The following RNF216 variants were observed in gnomAD, a reference collection of about 807,000 sequenced individuals.
RNF216 encodes the protein ring finger protein 216, also known as E3 ubiquitin-protein ligase RNF216.
RNF216 carries 72 observed loss-of-function variants against 110.8 expected under a neutral mutation model. The ratio of observed to expected loss-of-function variants is 0.65; its 90% confidence interval spans 0.54 to 0.79. RNF216 has a LOEUF of 0.79. RNF216 is among the 30% of genes least tolerant of loss of function. RNF216 has a pLI of 0.00. For missense variants in RNF216, 1,342 were observed against 1,141.2 expected (o/e 1.18, Z -2.54); for synonymous variants, 495 against 407.5 (o/e 1.21, Z -2.59).
intron 13 of RNF216, among the ~76,000 whole-genome samples, chr7:5,705,698 C>G (rs1792233541): frequency 6.6e-6 from 1 of 152,126 alleles, no homozygotes; most frequent in Non-Finnish European, 1.5e-5. Context: ...CACCTGAGGT[C>G]AGGAGTTCGA....
intron 13 of RNF216, among the ~76,000 whole-genome samples, chr7:5,663,299 G>A (rs1425150598): frequency 1.4e-4 from 22 of 152,290 alleles, no homozygotes. Flanking sequence ...AAGTTCACTT[G>A]GCCAGGCATG....
intron 13 of RNF216, among the ~76,000 whole-genome samples, chr7:5,689,447 T>C (rs1791191371): frequency 6.7e-6 from 1 of 150,352 alleles, no homozygotes; most frequent in Non-Finnish European, 1.5e-5. Context: ...GAAACCCACA[T>C]CCCTTCTGTT....
intron 14 of RNF216, among the ~76,000 whole-genome samples, chr7:5,650,977 A>T (rs1371207386): frequency 1.3e-5 from 2 of 152,202 alleles, no homozygotes; most frequent in Non-Finnish European, 2.9e-5. Context: ...ACATAAAGTC[A>T]CCCAACTACA....
At chr7:5,739,415 A>G (rs558925667) in intron 4 of RNF216, 63 bp from the exon 5 acceptor site, 4 of 1,489,442 alleles carry the variant, frequency 2.7e-6, no homozygotes, top group Admixed American at 1.8e-5. Flanking sequence ...ATGGCAATAC[A>G]AGACAGATGG....
At chr7:5,662,763 G>C (rs780464431) in intron 13 of RNF216, among the ~76,000 whole-genome samples, 14 of 152,196 alleles carry the variant, frequency 9.2e-5, no homozygotes. Flanking sequence ...GAGTACCTCA[G>C]AGGAAACTAA....
chr7:5,633,708 A>G (rs1379624416), intron 15 of RNF216, among the ~76,000 whole-genome samples: 1 of 152,220 alleles, frequency 6.6e-6, no homozygotes, highest in Non-Finnish European at 1.5e-5. Flanking sequence ...CCTGACACAG[A>G]AGACTCTGGC....
chr7:5,766,882 G>A (rs1562476439), intron 1 of RNF216: 1 of 152,232 alleles, frequency 6.6e-6, no homozygotes. Context: ...TATGTTTAGA[G>A]ACTGATATTC....
intron 13 of RNF216, among the ~76,000 whole-genome samples, chr7:5,676,974 C>T (rs1427142531): frequency 2.0e-5 from 3 of 152,176 alleles, no homozygotes; most frequent in Non-Finnish European, 4.4e-5. Flanking sequence ...GTTATTGTTC[C>T]TTAAAAGCCA....
chr7:5,754,048 C>T (rs1353879126), intron 2 of RNF216, among the ~76,000 whole-genome samples: 1 of 151,362 alleles, frequency 6.6e-6, no homozygotes, highest in Non-Finnish European at 1.5e-5. Context: ...AAGAAAGAAA[C>T]GAAATGACGC....
At chr7:5,628,723 G>A (rs1252252749) in intron 15 of RNF216, among the ~76,000 whole-genome samples, 1 of 147,050 alleles carries the variant, frequency 6.8e-6, no homozygotes, top group Admixed American at 6.8e-5. Context: ...GTTTCACCAT[G>A]TTGCTCAGGC....
intron 13 of RNF216, among the ~76,000 whole-genome samples, chr7:5,673,336 C>G (rs768628514): frequency 6.6e-6 from 1 of 152,076 alleles, no homozygotes; most frequent in Non-Finnish European, 1.5e-5. Context: ...AGAACAGGCT[C>G]GACAGAATGG....
chr7:5,776,308 G>A (rs1278581732), intron 1 of RNF216, among the ~76,000 whole-genome samples: 1 of 151,998 alleles, frequency 6.6e-6, no homozygotes, highest in African/African-American at 2.4e-5. Context: ...CTATAGCCGG[G>A]CACGGTGGCT....
intron 4 of RNF216, among the ~76,000 whole-genome samples, chr7:5,740,495 G>C (rs189190300): frequency 2.6e-5 from 4 of 152,262 alleles, no homozygotes; most frequent in African/African-American, 9.6e-5. Flanking sequence ...CTCCATGCTT[G>C]ATGATGAGGT....
intron 8 of RNF216, among the ~76,000 whole-genome samples, chr7:5,722,551 C>T (rs1188796911): frequency 6.6e-6 from 1 of 151,590 alleles, no homozygotes; most frequent in African/African-American, 2.4e-5. Flanking sequence ...CCACCATGCC[C>T]GGCTAATTTT....
Position 5,677,094 on chromosome 7 carries a change from T to G in RNF216, c.2062-24584A>C, listed in dbSNP as rs114795496. Among the ~76,000 whole-genome samples the G allele has an allele frequency of 9.0e-3, 1,372 of 152,338 alleles. 22 individuals are homozygous for G. Among genetic ancestry groups the G allele is most frequent in the African/African-American group, 0.031 (1,308 of 41,568 alleles). On this transcript the variant is annotated intron_variant, in intron 13 of 16. Transcript: ENST00000389902. Reference sequence around the variant, plus strand: ...AGACCACATACATCTCCCTTGTTTTTAGGGCACTCTGACGTATGGTTTACA... The same window carrying G: ...AGACCACATACATCTCCCTTGTTTTGAGGGCACTCTGACGTATGGTTTACA...
intron 13 of RNF216, among the ~76,000 whole-genome samples, chr7:5,684,889 G>C (rs1790879686): frequency 6.6e-6 from 1 of 151,860 alleles, no homozygotes; most frequent in Non-Finnish European, 1.5e-5. Context: ...AGGGTGCTTG[G>C]GAGTCCTGCA....
rs1786607406 is a variant in RNF216 at position 5,624,826 on chromosome 7, A to G, written c.2383-701T>C. ...ATGTGGGAGCTGTGCTGGGAAACTC[A>G]GGGGCCACACTGGGCAAGCCCCAGA... On this transcript the variant is annotated intron_variant, in intron 15 of 16. Transcript: ENST00000389902. This position sits in a 1 kb window ranked among gnomAD's most constrained non-coding sequence, Gnocchi z 4.4. Among the ~76,000 whole-genome samples, 2 of 152,226 alleles carry G rather than the reference A, an allele frequency of 1.3e-5. No homozygotes were observed. The highest frequency in any genetic ancestry group is 2.9e-5 in the Non-Finnish European group (2 of 68,036).
rs747462330 is a variant in RNF216 at position 5,735,005 on chromosome 7, GC to G, written c.1122-4189del. On this transcript the variant is annotated intron_variant, in intron 5 of 16. Transcript: ENST00000389902. ...ATCTCTACTAAAAATACAAAAACTA[GC>G]TGGGCGGTGGGCACCTGTAATCCAA... Among the ~76,000 whole-genome samples, 15 of 151,836 alleles carry G rather than the reference GC, an allele frequency of 9.9e-5. No homozygotes were observed. The East Asian group carries it at 2.9e-3, about 29-fold the overall frequency.
rs1230595912 is a variant in RNF216 at position 5,718,455 on chromosome 7, GTTT to G, written c.1645-1692_1645-1690del. Among the ~76,000 whole-genome samples the G allele has an allele frequency of 3.3e-5, 5 of 152,046 alleles. No individual in the cohort carries two copies. In the South Asian group the frequency reaches 8.3e-4, roughly 25 times the overall value. The stretch of plus-strand genomic sequence containing the variant: ...ATTTCTGAATATTCCTTGTTTTATA[GTTT>G]TTATTTCAGAACTAAAATTTTTACA... On this transcript the variant is annotated intron_variant, in intron 9 of 16. Coordinates refer to ENST00000389902, the MANE Select transcript of RNF216 (RefSeq NM_207111.4).
Sources: gnomAD v4.1 joint callset for allele counts (sites outside exome capture counted in the v4.1 genomes callset) on GRCh38, gnomAD v4.1.1 for gene constraint, Gnocchi (gnomAD v3.1) non-coding constraint, MANE v1.5 for transcripts, NCBI Gene and HGNC (gene_info 2026-07-23, HGNC 2026-07-21) for gene names.